The following TFAM variants were observed in gnomAD, a reference collection of about 807,000 sequenced individuals.
TFAM encodes the protein transcription factor A, mitochondrial.
TFAM carries 13 observed loss-of-function variants against 30.6 expected under a neutral mutation model. The observed-to-expected ratio is 0.42, with a 90% CI of 0.28 to 0.67. The LOEUF (loss-of-function observed/expected upper bound fraction) is 0.67. TFAM is among the 30% of genes least tolerant of loss of function. TFAM has a pLI of 0.21. For synonymous variants in TFAM, 106 were observed against 94.8 expected, an observed-to-expected ratio of 1.12 and a Z score of -0.69; for missense variants, 231 against 293.7, an observed-to-expected ratio of 0.79 and a Z score of 1.56.
At chr10:58,386,026 C>T (rs1210913565) in intron 1 of TFAM, among the ~76,000 whole-genome samples, 194 bp from the exon 2 acceptor site, 1 of 152,166 alleles carries the variant, frequency 6.6e-6, no homozygotes, top group Non-Finnish European at 1.5e-5. Context: ...GAGGTAAGGG[C>T]TTTGAGACTT....
chr10:58,388,951 G>A (rs1840542146), intron 4 of TFAM, 132 bp downstream of exon 4: 1 of 811,694 alleles, frequency 1.2e-6, no homozygotes, highest in Non-Finnish European at 1.9e-6. Context: ...CAGTTAGGCA[G>A]AAGTGGGATA....
At chr10:58,391,380 C>T (rs1383274246) in intron 5 of TFAM, among the ~76,000 whole-genome samples, 1 of 152,090 alleles carries the variant, frequency 6.6e-6, no homozygotes, top group Non-Finnish European at 1.5e-5. Context: ...TGCTTAGAAG[C>T]TCCAAATGGG....
At chr10:58,392,443 G>A (rs1369201894) in intron 5 of TFAM, among the ~76,000 whole-genome samples, 6 of 244 alleles carry the variant, frequency 0.025, no homozygotes, top group Non-Finnish European at 0.035. Context: ...CATCTTCTGA[G>A]CTGGTCCTTA....
Position 58,395,170 on chromosome 10 carries a change from T to G in TFAM, c.*96T>G, listed in dbSNP as rs74146632. On this transcript the variant is annotated 3_prime_UTR_variant, in exon 7 of 7. Transcript: ENST00000487519. ...ATCGTAAAATTAAGAAAGGATAAAG[T>G]TGGTAAACCTTTTATATTTAGTATC... The G allele has an allele frequency of 1.5e-3, 1,818 of 1,249,230 alleles. 28 individuals are homozygous for G. The African/African-American group carries it at 0.025, about 17-fold the overall frequency. The allele number at this position is 1,249,230 out of a possible 1,614,324, so 77.4% of individuals were successfully genotyped here.
intron 2 of TFAM, 120 bp downstream of exon 2, chr10:58,386,458 T>A: frequency 1.2e-6 from 1 of 844,456 alleles, no homozygotes. Context: ...AATCATTTGA[T>A]GTCTGTAAAA....
intron 5 of TFAM, among the ~76,000 whole-genome samples, chr10:58,392,568 T>G (rs1840616766): frequency 1.3e-5 from 2 of 152,178 alleles, no homozygotes; most frequent in Non-Finnish European, 2.9e-5. Context: ...CTCTCTGCTT[T>G]TAGTATGGTA....
intron 3 of TFAM, 54 bp from the exon 4 acceptor site, chr10:58,388,616 A>T: frequency 1.3e-6 from 2 of 1,595,412 alleles, no homozygotes; most frequent in Non-Finnish European, 1.7e-6. Flanking sequence ...GGCATGTGCT[A>T]TGTTGAATTT....
Position 58,395,210 on chromosome 10 carries a change from A to C in TFAM, c.*136A>C. 6.6e-6 allele frequency: 6 copies of C among 908,000 alleles called. No homozygotes were observed. The highest frequency in any genetic ancestry group is 2.7e-5 in the East Asian group (1 of 37,186). 56.2% of individuals were successfully genotyped at this position (908,000 alleles called of 1,614,324 possible). A position where few individuals can be genotyped will look rare whatever the true frequency, so the allele number is the denominator to read the frequency against. On this transcript the variant is annotated 3_prime_UTR_variant, in exon 7 of 7. Transcript: ENST00000487519. Reference sequence around the variant, plus strand: ...TATTTAGTATCTTTTTATTCAGCTCATGGACTTCTGCCAGCATAATACTTG... The same window carrying C: ...TATTTAGTATCTTTTTATTCAGCTCCTGGACTTCTGCCAGCATAATACTTG...
chr10:58,391,098 T>C (rs1354022896), intron 5 of TFAM, among the ~76,000 whole-genome samples: 1 of 152,274 alleles, frequency 6.6e-6, no homozygotes, highest in African/African-American at 2.4e-5. Context: ...TTAACATTTT[T>C]TTTAATATGT....
At chr10:58,391,255 A>G (rs561430387) in intron 5 of TFAM, among the ~76,000 whole-genome samples, 1 of 152,236 alleles carries the variant, frequency 6.6e-6, no homozygotes, top group Non-Finnish European at 1.5e-5. Context: ...TTTTAATAAC[A>G]TTTTGGTTAT....
chr10:58,385,595 G>T lies in TFAM; in HGVS notation c.48G>T (p.Arg16Ser). 3 of 1,570,354 alleles carry T rather than the reference G, an allele frequency of 1.9e-6. No homozygotes were observed. The highest frequency in any genetic ancestry group is 2.6e-6 in the Non-Finnish European group (3 of 1,157,160). ...SMWGVLSALG[R>S]SGAELCTGCG... Reference sequence around the variant, plus strand: ...GGGGCGTGCTGAGTGCCCTGGGAAGGTCTGGAGCAGAGCTGTGCACCGGCT... The same window carrying T: ...GGGGCGTGCTGAGTGCCCTGGGAAGTTCTGGAGCAGAGCTGTGCACCGGCT... The change falls in exon 1 of 7, where the codon AGG (arginine) becomes AGT (serine). Residue 16 changes from arginine to serine, a missense_variant. Physicochemically the swap from Arg to Ser is moderately radical, Grantham distance 110. Coordinates refer to ENST00000487519, the MANE Select transcript of TFAM (RefSeq NM_003201.3).
chr10:58,385,508 C>G lies in TFAM; in HGVS notation c.-40C>G, dbSNP rs761929120. 1.3e-6 allele frequency: 2 copies of G among 1,495,572 alleles called. No homozygotes were observed. Among genetic ancestry groups the G allele is most frequent in the Non-Finnish European group, 1.8e-6 (2 of 1,095,634 alleles). The allele number at this position is 1,495,572 out of a possible 1,614,324, so 92.6% of individuals were successfully genotyped here. A position where few individuals can be genotyped will look rare whatever the true frequency, so the allele number is the denominator to read the frequency against. ...GAGTTGTGTATTGCCAGGAGGCTCT[C>G]CGAGATTGGGGTCGGGTCACTGCCT... On this transcript the variant is annotated 5_prime_UTR_variant, in exon 1 of 7. Transcript: ENST00000487519.
At chr10:58,394,485 T>G in intron 6 of TFAM, 71 bp downstream of exon 6, 1 of 1,267,502 alleles carries the variant, frequency 7.9e-7, no homozygotes, top group East Asian at 2.3e-5. Flanking sequence ...AGGGCAAGGC[T>G]TGATTCATGT....
chr10:58,386,184 T>C (rs1245370250), intron 1 of TFAM, 36 bp from the exon 2 acceptor site: 4 of 1,344,510 alleles, frequency 3.0e-6, no homozygotes, highest in Non-Finnish European at 4.3e-6. Flanking sequence ...CAGTTAAACA[T>C]CTGACACTGG....
At chr10:58,387,435 A>T (rs1202870322) in intron 2 of TFAM, among the ~76,000 whole-genome samples, 1 of 152,210 alleles carries the variant, frequency 6.6e-6, no homozygotes, top group Admixed American at 6.5e-5. Flanking sequence ...GGAAGTGGAG[A>T]ATAACAGATT....
intron 5 of TFAM, among the ~76,000 whole-genome samples, chr10:58,391,090 A>T (rs1274102613): frequency 6.6e-6 from 1 of 152,080 alleles, no homozygotes; most frequent in African/African-American, 2.4e-5. Flanking sequence ...TTAAATACTT[A>T]ACATTTTTTT....
rs770563257 is a variant in TFAM at position 58,386,278 on chromosome 10, G to GT, written c.161dup (p.Ser55LysfsTer8). 3.1e-6 allele frequency: 5 copies of GT among 1,613,800 alleles called. No homozygotes were observed. The African/African-American group carries it at 4.0e-5, about 13-fold the overall frequency. ...CTTGGCAAGTTGTCCAAAGAAACCT[G>GT]TAAGTTCTTACCTTCGATTTTCTAA... On this transcript the variant is annotated frameshift_variant, in exon 2 of 7. Coordinates refer to ENST00000487519, the MANE Select transcript of TFAM (RefSeq NM_003201.3). LOFTEE classifies it high-confidence loss of function.
rs921296993 is a variant in TFAM, at chr10:58,395,378, G to C, written c.*304G>C. On this transcript the variant is annotated 3_prime_UTR_variant, in exon 7 of 7. Transcript: ENST00000487519. ...CTATGAAGTTTTTTTTATACAGGAT[G>C]ATGACTATGGAAAGAGTACTCTTGT... is the stretch of plus-strand genomic sequence containing the variant. 8.1e-6 allele frequency: 3 copies of C among 368,660 alleles called. No individual in the cohort carries two copies. The highest frequency in any genetic ancestry group is 1.5e-5 in the Non-Finnish European group (3 of 199,122). 22.8% of individuals were successfully genotyped at this position (368,660 alleles called of 1,614,324 possible). A position where few individuals can be genotyped will look rare whatever the true frequency, so the allele number is the denominator to read the frequency against.
chr10:58,386,281 A>C lies in TFAM; in HGVS notation c.163A>C (p.Ser55Arg). 1.2e-6 allele frequency: 2 copies of C among 1,613,970 alleles called. No homozygotes were observed. Among genetic ancestry groups the C allele is most frequent in the Non-Finnish European group, 1.7e-6 (2 of 1,180,004 alleles). The change falls in exon 2 of 7, where the codon AGT (serine) becomes CGT (arginine). Residue 55 changes from serine to arginine, a missense_variant. Transcript: ENST00000487519. The part of the protein sequence containing the change: ...VLASCPKKPV[S>R]SYLRFSKEQL... Reference sequence around the variant, plus strand: ...GGCAAGTTGTCCAAAGAAACCTGTAAGTTCTTACCTTCGATTTTCTAAAGA... The same window carrying C: ...GGCAAGTTGTCCAAAGAAACCTGTACGTTCTTACCTTCGATTTTCTAAAGA...
Sources: gnomAD v4.1 joint callset for allele counts (sites outside exome capture counted in the v4.1 genomes callset) on GRCh38, gnomAD v4.1.1 for gene constraint, MANE v1.5 for transcripts, NCBI Gene and HGNC (gene_info 2026-07-23, HGNC 2026-07-21) for gene names.